VPS50: variants seen among roughly 807,000 people sequenced by gnomAD.
VPS50 encodes VPS50 subunit of EARP/GARPII complex, also known as syndetin.
In VPS50, 70 loss-of-function variants were observed where a neutral mutation model predicts 139.7. The observed-to-expected ratio is 0.50, with a 90% CI of 0.41 to 0.61. The LOEUF (loss-of-function observed/expected upper bound fraction) is 0.61, where lower values mean the gene tolerates loss of function less well. Ranked by LOEUF, VPS50 falls within the 20% of genes least tolerant of loss-of-function variation. The pLI is 0.00. For missense variants in VPS50, 921 were observed against 1,133.7 expected, an observed-to-expected ratio of 0.81 and a Z score of 2.69; for synonymous variants, 365 against 376.7, an observed-to-expected ratio of 0.97 and a Z score of 0.36.
chr7:93,291,415 T>A (rs939172990), intron 12 of VPS50, among the ~76,000 whole-genome samples: 2 of 152,078 alleles, frequency 1.3e-5, no homozygotes, highest in African/African-American at 4.8e-5. Flanking sequence ...TACACTGCTA[T>A]TTATGGGACC....
chr7:93,299,236 G>C (rs1796903848), intron 16 of VPS50, among the ~76,000 whole-genome samples: 1 of 152,098 alleles, frequency 6.6e-6, no homozygotes, highest in Non-Finnish European at 1.5e-5. Context: ...TGTGTTCTAA[G>C]GTATATTTGT....
At position 93,300,706 on chromosome 7, in the gene VPS50, G is replaced by A. The variant is rs150383715; in HGVS notation, c.1362-2754G>A. On this transcript the variant is annotated intron_variant, in intron 16 of 27. Transcript: ENST00000305866. ...TAATTTTAACTTTCTTTCTAATTATGTTCTTATATTTAAAGTGTGCCCTTT... is the reference window on the plus strand; with the variant it reads ...TAATTTTAACTTTCTTTCTAATTATATTCTTATATTTAAAGTGTGCCCTTT... 9.7e-3 allele frequency among the ~76,000 whole-genome samples: 1,476 copies of A among 152,012 alleles called. 30 individuals carry two copies. The highest frequency in any genetic ancestry group is 0.034 in the African/African-American group (1,394 of 41,488).
chr7:93,238,044 T>TA (rs1794870394), intron 1 of VPS50, among the ~76,000 whole-genome samples: 1 of 152,224 alleles, frequency 6.6e-6, no homozygotes, highest in African/African-American at 2.4e-5. Flanking sequence ...ACATGGCAAT[T>TA]ACATTTTAAA....
At chr7:93,282,534 T>A (rs144513327) in intron 12 of VPS50, among the ~76,000 whole-genome samples, 4 of 152,320 alleles carry the variant, frequency 2.6e-5, no homozygotes, top group African/African-American at 9.6e-5. Flanking sequence ...CAATTTACAC[T>A]CCTGATCAGC....
At chr7:93,238,210 C>T (rs999785686) in intron 1 of VPS50, among the ~76,000 whole-genome samples, 1 of 151,972 alleles carries the variant, frequency 6.6e-6, no homozygotes, top group Non-Finnish European at 1.5e-5. Context: ...GGTGAGAATT[C>T]GAGACAGGGA....
chr7:93,261,352 A>C, intron 9 of VPS50, among the ~76,000 whole-genome samples: 1 of 152,186 alleles, frequency 6.6e-6, no homozygotes, highest in East Asian at 1.9e-4. Flanking sequence ...TAATCTATCA[A>C]GAAGGACTTA....
chr7:93,257,773 T>C (rs1795532151), intron 6 of VPS50: 1 of 247,720 alleles, frequency 4.0e-6, no homozygotes, highest in Non-Finnish European at 7.5e-6. Context: ...GCTGTGATTT[T>C]TTAAAAATGC....
chr7:93,317,495 T>C (rs1399469863), intron 20 of VPS50, among the ~76,000 whole-genome samples: 1 of 152,150 alleles, frequency 6.6e-6, no homozygotes, highest in African/African-American at 2.4e-5. Flanking sequence ...AAGCCAAGGT[T>C]GCAGCAAGCT....
intron 20 of VPS50, among the ~76,000 whole-genome samples, chr7:93,318,623 T>C (rs1480096843): frequency 1.3e-5 from 2 of 152,250 alleles, no homozygotes; most frequent in Non-Finnish European, 2.9e-5. Context: ...ATCATTTTTG[T>C]AGCATCTATA....
chr7:93,345,347 A>G (rs1227747059), intron 23 of VPS50, among the ~76,000 whole-genome samples: 1 of 152,192 alleles, frequency 6.6e-6, no homozygotes, highest in Non-Finnish European at 1.5e-5. Flanking sequence ...ATAGCTTACC[A>G]ACGAAAAAGA....
Position 93,253,842 on chromosome 7 carries a change from A to T in VPS50, c.226-18A>T, listed in dbSNP as rs763749974. On this transcript the variant is annotated intron_variant, in intron 3 of 27. Coordinates refer to ENST00000305866, the MANE Select transcript of VPS50 (RefSeq NM_017667.4). ...ACAATTTATTTTTTCCTCTTCTTTCATGAATTTTTTTCTGTAGAAGCTTCC... is the reference window on the plus strand; with the variant it reads ...ACAATTTATTTTTTCCTCTTCTTTCTTGAATTTTTTTCTGTAGAAGCTTCC... 19 of 1,480,862 alleles carry T rather than the reference A, an allele frequency of 1.3e-5. No individual in the cohort carries two copies. Among genetic ancestry groups the T allele is most frequent in the East Asian group, 2.3e-5 (1 of 44,126 alleles). The allele number at this position is 1,480,862 out of a possible 1,614,324, so 91.7% of individuals were successfully genotyped here. A position where few individuals can be genotyped will look rare whatever the true frequency, so the allele number is the denominator to read the frequency against.
At chr7:93,260,633 G>GTT (rs35813127) in intron 9 of VPS50, among the ~76,000 whole-genome samples, 3 of 147,642 alleles carry the variant, frequency 2.0e-5, no homozygotes, top group Admixed American at 6.7e-5. Flanking sequence ...AGTCTCTATG[G>GTT]TTTTTTTTTT....
chr7:93,322,093 T>TA (rs75400897), intron 20 of VPS50, among the ~76,000 whole-genome samples: 81,208 of 152,066 alleles, frequency 0.53, 25,551 homozygotes, highest in African/African-American at 0.88. Flanking sequence ...GGAATAAGAA[T>TA]AAATCTGAGT....
At chr7:93,278,671 A>G (rs1374762072) in intron 12 of VPS50, among the ~76,000 whole-genome samples, 1 of 151,666 alleles carries the variant, frequency 6.6e-6, no homozygotes. Flanking sequence ...AAGATAATAA[A>G]TAGCTTATCC....
chr7:93,326,469 T>C (rs576181572), intron 21 of VPS50, among the ~76,000 whole-genome samples: 1 of 144,376 alleles, frequency 6.9e-6, no homozygotes, highest in African/African-American at 2.6e-5. Flanking sequence ...AAAAATAAAA[T>C]AAAATAAAAT....
At chr7:93,241,578 A>G (rs1166959897) in intron 2 of VPS50, among the ~76,000 whole-genome samples, 1 of 152,168 alleles carries the variant, frequency 6.6e-6, no homozygotes, top group Non-Finnish European at 1.5e-5. Flanking sequence ...GTGTTCTCCT[A>G]TAGCATAACA....
At chr7:93,258,959 G>T (rs1000244150) in intron 8 of VPS50, among the ~76,000 whole-genome samples, 1 of 151,968 alleles carries the variant, frequency 6.6e-6, no homozygotes, top group Non-Finnish European at 1.5e-5. Context: ...ATAGGGAAAA[G>T]TTTTTGTGGT....
chr7:93,319,805 C>G (rs774645290), intron 20 of VPS50, among the ~76,000 whole-genome samples: 8 of 152,106 alleles, frequency 5.3e-5, no homozygotes, highest in Non-Finnish European at 8.8e-5. Flanking sequence ...CTCCATTACT[C>G]AAATTGGTCC....
rs1175701558 is a variant in VPS50 at position 93,349,985 on chromosome 7, A to T, written c.2415A>T (p.Val805=). 6.2e-7 allele frequency: 1 copy of T among 1,613,178 alleles called. No homozygotes were observed. The highest frequency in any genetic ancestry group is 1.7e-5 in the Admixed American group (1 of 59,986). Residue 805 remains valine, a synonymous_variant, in exon 25 of 28, where the codon GTA becomes GTT. Coordinates refer to ENST00000305866, the MANE Select transcript of VPS50 (RefSeq NM_017667.4). ...TCATGGCTAATGTGAAATGGGATGT[A>T]AAAGAAATTATGTCACAGCACAACA... ...LLLMANVKWD[V]KEIMSQHNIY...
Sources: gnomAD v4.1 joint callset for allele counts (sites outside exome capture counted in the v4.1 genomes callset) on GRCh38, gnomAD v4.1.1 for gene constraint, MANE v1.5 for transcripts, NCBI Gene and HGNC (gene_info 2026-07-23, HGNC 2026-07-21) for gene names.